Variants in CCT7 observed in about 807,000 individuals in gnomAD.
CCT7 encodes chaperonin containing TCP1 subunit 7.
CCT7 carries 16 observed loss-of-function variants against 56.6 expected under a neutral mutation model. The observed-to-expected ratio is 0.28, with a 90% CI of 0.19 to 0.43. CCT7 has a LOEUF of 0.43. CCT7 is among the 20% of genes least tolerant of loss of function. CCT7 has a pLI of 1.00. For synonymous variants in CCT7, 262 were observed against 254.8 expected (o/e 1.03, Z -0.27); for missense variants, 519 against 685.6 (o/e 0.76, Z 2.71).
Position 73,239,651 on chromosome 2 carries a change from A to T in CCT7, c.15A>T (p.Pro5=). The part of the protein sequence containing the change: MMPT[P]VILLKEGTDS... ...ATTTCTTTCTTTTCTAGCCCACACC[A>T]GTTATCCTATTGAAAGAGGGGACTG... Residue 5 remains proline (P), a synonymous_variant, in exon 2 of 12, where the codon CCA becomes CCT. Transcript: ENST00000258091. The T allele has an allele frequency of 6.2e-7, 1 of 1,613,864 alleles. No individual in the cohort carries two copies. Among genetic ancestry groups the T allele is most frequent in the Non-Finnish European group, 8.5e-7 (1 of 1,179,758 alleles).
chr2:73,239,716 G>C lies in CCT7; in HGVS notation c.80G>C (p.Ser27Thr). The change falls in exon 2 of 12, where the codon AGT becomes ACT. Residue 27 changes from serine to threonine, a missense_variant. Ser to Thr is a moderately conservative substitution (Grantham distance 58). Coordinates refer to ENST00000258091, the MANE Select transcript of CCT7 (RefSeq NM_006429.4). ...QGIPQLVSNI[S>T]ACQVIAEAVR... is the part of the protein sequence containing the mutation. Reference sequence around the variant, plus strand: ...ATCCCCCAGCTTGTGAGTAACATCAGTGCCTGCCAGGTGATTGCTGAGGCT... The same window carrying C: ...ATCCCCCAGCTTGTGAGTAACATCACTGCCTGCCAGGTGATTGCTGAGGCT... 6.2e-7 allele frequency: 1 copy of C among 1,614,008 alleles called. No individual in the cohort carries two copies. Among genetic ancestry groups the C allele is most frequent in the Non-Finnish European group, 8.5e-7 (1 of 1,179,868 alleles).
rs920980418 is a variant in CCT7 at position 73,239,961 on chromosome 2, C to T, written c.160+165C>T. On this transcript the variant is annotated intron_variant, in intron 2 of 11. Coordinates refer to ENST00000258091, the MANE Select transcript of CCT7 (RefSeq NM_006429.4). Reference sequence around the variant, plus strand: ...TTCTTATATTGTCCTGACTGCTGAGCCCGTGTGGGACTATATGAGAGAACC... The same window carrying T: ...TTCTTATATTGTCCTGACTGCTGAGTCCGTGTGGGACTATATGAGAGAACC... 7 of 639,792 alleles carry T rather than the reference C, an allele frequency of 1.1e-5. No individual in the cohort carries two copies. In the African/African-American group the frequency reaches 1.1e-4, roughly 10 times the overall value. 39.6% of individuals were successfully genotyped at this position (639,792 alleles called of 1,614,324 possible). A position where few individuals can be genotyped will look rare whatever the true frequency, so the allele number is the denominator to read the frequency against.
chr2:73,247,961 A>G (rs776247614), intron 7 of CCT7, 35 bp downstream of exon 7: 25 of 1,598,456 alleles, frequency 1.6e-5, no homozygotes, highest in Non-Finnish European at 2.1e-5. Context: ...GGGCATGGAA[A>G]TGGGCAGCTT....
rs1686756690 is a variant in CCT7 at position 73,234,313 on chromosome 2, G to A, written c.-66G>A. ...GTATTTCTATTGCGCGAGGCATTGT[G>A]GGTTGCTGGGCGGCCCGGTCTCGGA... is the stretch of plus-strand genomic sequence containing the variant. On this transcript the variant is annotated 5_prime_UTR_variant, in exon 1 of 12. Transcript: ENST00000258091. 6.3e-7 allele frequency: 1 copy of A among 1,598,618 alleles called. No homozygotes were observed. The highest frequency in any genetic ancestry group is 1.1e-5 in the South Asian group (1 of 90,794).
intron 3 of CCT7, among the ~76,000 whole-genome samples, 188 bp from the exon 4 acceptor site, chr2:73,242,816 T>C (rs1445152597): frequency 6.6e-6 from 1 of 152,248 alleles, no homozygotes; most frequent in East Asian, 1.9e-4. Context: ...CAGGACTGTT[T>C]GACATGATGG....
In CCT7 at chr2:73,239,742, G is replaced by C. The variant is rs777432096; in HGVS notation, c.106G>C (p.Val36Leu). Reference sequence around the variant, plus strand: ...TGCCTGCCAGGTGATTGCTGAGGCTGTAAGAACTACCCTGGGTCCCCGTGG... The same window carrying C: ...TGCCTGCCAGGTGATTGCTGAGGCTCTAAGAACTACCCTGGGTCCCCGTGG... ...ISACQVIAEA[V>L]RTTLGPRGMD... The change falls in exon 2 of 12, where the codon GTA becomes CTA. Residue 36 changes from valine to leucine, a missense_variant. Physicochemically the swap from Val to Leu is conservative, Grantham distance 32. Transcript: ENST00000258091. The C allele has an allele frequency of 2.5e-6, 4 of 1,614,022 alleles. No individual in the cohort carries two copies. Among genetic ancestry groups the C allele is most frequent in the Admixed American group, 3.3e-5 (2 of 60,030 alleles).
intron 1 of CCT7, among the ~76,000 whole-genome samples, chr2:73,236,940 G>A (rs374700421): frequency 7.2e-5 from 11 of 152,352 alleles, no homozygotes; most frequent in African/African-American, 2.4e-4. Flanking sequence ...TAGTGTTACT[G>A]TAGTGCCAGT....
At chr2:73,246,434 A>G (rs1687340812) in intron 6 of CCT7, among the ~76,000 whole-genome samples, 1 of 152,100 alleles carries the variant, frequency 6.6e-6, no homozygotes, top group Middle Eastern at 3.2e-3. Context: ...GTGATTTCCT[A>G]ATTATTTATT....
chr2:73,235,263 G>T (rs915037689), intron 1 of CCT7, among the ~76,000 whole-genome samples: 3 of 152,140 alleles, frequency 2.0e-5, no homozygotes, highest in African/African-American at 4.8e-5. Context: ...TGGGTCCCAA[G>T]CCTCGATGGT....
At chr2:73,239,972 C>T in intron 2 of CCT7, 176 bp downstream of exon 2, 1 of 591,014 alleles carries the variant, frequency 1.7e-6, no homozygotes, top group Non-Finnish European at 2.9e-6. Context: ...CCGTGTGGGA[C>T]TATATGAGAG....
At chr2:73,234,891 G>A (rs1686801663) in intron 1 of CCT7, among the ~76,000 whole-genome samples, 1 of 152,234 alleles carries the variant, frequency 6.6e-6, no homozygotes, top group South Asian at 2.1e-4. Context: ...GCAGCGTGCA[G>A]AGAAGCAGAC....
At position 73,244,660 on chromosome 2, in the gene CCT7, A is replaced by T. The variant is rs368003715; in HGVS notation, c.563A>T (p.Asp188Val). 1 of 1,613,672 alleles carries T rather than the reference A, an allele frequency of 6.2e-7. No homozygotes were observed. The highest frequency in any genetic ancestry group is 1.3e-5 in the African/African-American group (1 of 74,922). ...GTGGATGCAGTGATGATGCTCGATG[A>T]TTTGCTGCAGCTTAAAATGATTGGA... ...MVVDAVMMLD[D>V]LLQLKMIGIK... Residue 188 changes from aspartate (D) to valine (V), a missense_variant, in exon 6 of 12, where the codon GAT (aspartate) becomes GTT (valine). Asp to Val is a radical substitution (Grantham distance 152, BLOSUM62 -3). Transcript: ENST00000258091.
At chr2:73,235,014 C>G (rs189518556) in intron 1 of CCT7, among the ~76,000 whole-genome samples, 2 of 152,296 alleles carry the variant, frequency 1.3e-5, no homozygotes, top group Admixed American at 1.3e-4. Flanking sequence ...GTTGCAGCCT[C>G]TCAGCCAGGA....
At chr2:73,247,567 G>A (rs1687395547) in intron 6 of CCT7, among the ~76,000 whole-genome samples, 195 bp from the exon 7 acceptor site, 1 of 146,638 alleles carries the variant, frequency 6.8e-6, no homozygotes, top group South Asian at 2.1e-4. Context: ...GAAATAATAT[G>A]TTGTGTTATT....
rs144809913 is a variant in CCT7, at chr2:73,239,286, C to T, written c.7-357C>T. ...GGAATGAACACTTAGCAGGGTCTGCCTCTTCCTCCTGTGTTGTGACCCAAT... is the reference window on the plus strand; with the variant it reads ...GGAATGAACACTTAGCAGGGTCTGCTTCTTCCTCCTGTGTTGTGACCCAAT... On this transcript the variant is annotated intron_variant, in intron 1 of 11. Transcript: ENST00000258091. 15 of 176,250 alleles carry T rather than the reference C, an allele frequency of 8.5e-5. No individual in the cohort carries two copies. In the East Asian group the frequency reaches 2.4e-3, roughly 28 times the overall value. 10.9% of individuals were successfully genotyped at this position (176,250 alleles called of 1,614,324 possible).
intron 10 of CCT7, 53 bp from the exon 11 acceptor site, chr2:73,251,173 G>A: frequency 6.5e-7 from 1 of 1,545,326 alleles, no homozygotes. Flanking sequence ...GGCCCAGCAT[G>A]GAAGCTTGGA....
At chr2:73,238,103 G>T (rs958058982) in intron 1 of CCT7, among the ~76,000 whole-genome samples, 1 of 152,074 alleles carries the variant, frequency 6.6e-6, no homozygotes, top group Non-Finnish European at 1.5e-5. Flanking sequence ...GGTATTTTTC[G>T]TTTTCTTTTT....
intron 6 of CCT7, among the ~76,000 whole-genome samples, chr2:73,246,005 T>C (rs1321294933): frequency 6.6e-6 from 1 of 152,202 alleles, no homozygotes; most frequent in Non-Finnish European, 1.5e-5. Context: ...TGGCATCCAT[T>C]TCTAATCTAC....
In CCT7 at chr2:73,247,920, A is replaced by G. The variant is rs2231428; in HGVS notation, c.777A>G (p.Thr259=). The G allele has an allele frequency of 4.5e-4, 730 of 1,613,570 alleles. 5 individuals carry two copies. The East Asian group carries it at 0.014, about 31-fold the overall frequency. The change falls in exon 7 of 12, where the codon ACA becomes ACG. Residue 259 remains threonine, a synonymous_variant. Transcript: ENST00000258091. ...ACAATGCTGAGATAAGAGTCCACAC[A>G]GTTGAGGTAGGTGGGTTCACCAGTT... ...EKDNAEIRVH[T]VEDYQAIVDA... is the part of the protein sequence containing the mutation.
Sources: gnomAD v4.1 joint callset for allele counts (sites outside exome capture counted in the v4.1 genomes callset) on GRCh38, gnomAD v4.1.1 for gene constraint, MANE v1.5 for transcripts, NCBI Gene and HGNC (gene_info 2026-07-23, HGNC 2026-07-21) for gene names.